SYT13: variants seen among roughly 807,000 people sequenced by gnomAD.
SYT13 encodes the protein synaptotagmin-13.
In SYT13, 21 loss-of-function variants were observed where a neutral mutation model predicts 38.6. The observed-to-expected ratio is 0.54, with a 90% CI of 0.39 to 0.78. SYT13 has a LOEUF of 0.78. SYT13 is among the 30% of genes least tolerant of loss of function. The pLI, the probability that SYT13 is intolerant of heterozygous loss-of-function variation, is 0.00. For missense variants in SYT13, 495 were observed against 548.7 expected (o/e 0.90, Z 0.98); for synonymous variants, 241 against 237.6 (o/e 1.01, Z -0.13).
chr11:45,261,851 G>T (rs781675075), intron 1 of SYT13, among the ~76,000 whole-genome samples: 4 of 151,654 alleles, frequency 2.6e-5, no homozygotes, highest in Non-Finnish European at 4.4e-5. Flanking sequence ...GGGAGGCGAA[G>T]GTTGCAGTGA....
intron 1 of SYT13, among the ~76,000 whole-genome samples, chr11:45,266,032 C>T (rs1048221355): frequency 7.2e-5 from 11 of 152,134 alleles, no homozygotes; most frequent in Non-Finnish European, 2.9e-5. Flanking sequence ...GTGTATATTT[C>T]ACTGTATGCA....
At chr11:45,247,967 A>T (rs745561378) in intron 4 of SYT13, among the ~76,000 whole-genome samples, 2 of 152,278 alleles carry the variant, frequency 1.3e-5, no homozygotes, top group Admixed American at 6.5e-5. Context: ...TAATGACAAC[A>T]GTCAAAACAA....
chr11:45,249,855 A>T (rs933609591), intron 4 of SYT13, among the ~76,000 whole-genome samples: 4 of 152,164 alleles, frequency 2.6e-5, no homozygotes. Flanking sequence ...TATGTAACAA[A>T]CCTACACGTT....
rs151134010 is a variant in SYT13 at position 45,244,118 on chromosome 11, G to A, written c.1215C>T (p.Ser405=). 5.0e-4 allele frequency: 800 copies of A among 1,612,586 alleles called. 3 individuals are homozygous for A. Among genetic ancestry groups the A allele is most frequent in the Middle Eastern group, 3.5e-3 (21 of 5,982 alleles). ...GGTTTTTGAGCATCTCCTCCCAGTG[G>A]CTGCGCTCAGAGCCCGAGGTGTGCA... ...LGLHTSGSER[S]HWEEMLKNPR... Residue 405 remains serine, a synonymous_variant, in exon 6 of 6, where the codon AGC becomes AGT. Coordinates refer to ENST00000020926, the MANE Select transcript of SYT13 (RefSeq NM_020826.3).
At chr11:45,269,459 A>T in intron 1 of SYT13, 1 of 1,283,420 alleles carries the variant, frequency 7.8e-7, no homozygotes, top group East Asian at 5.6e-5. Flanking sequence ...CAGTCACATC[A>T]CAAAGCCCTT....
intron 1 of SYT13, among the ~76,000 whole-genome samples, chr11:45,264,538 C>T (rs901698046): frequency 6.6e-6 from 1 of 152,122 alleles, no homozygotes; most frequent in African/African-American, 2.4e-5. Context: ...CAAGAGCAAG[C>T]TTGGAGGTAG....
chr11:45,274,893 TG>T (rs1325594715), intron 1 of SYT13, among the ~76,000 whole-genome samples: 1 of 152,148 alleles, frequency 6.6e-6, no homozygotes, highest in Non-Finnish European at 1.5e-5. Context: ...ATTACCTCAT[TG>T]GCCTTGCAGG....
chr11:45,278,009 T>C (rs1328490306), intron 1 of SYT13, among the ~76,000 whole-genome samples: 2 of 152,184 alleles, frequency 1.3e-5, no homozygotes, highest in Non-Finnish European at 2.9e-5. Flanking sequence ...GGCACACAGT[T>C]ATTCAATAAA....
chr11:45,267,239 G>C (rs1448181710), intron 1 of SYT13, among the ~76,000 whole-genome samples: 1 of 152,166 alleles, frequency 6.6e-6, no homozygotes, highest in East Asian at 1.9e-4. Context: ...ACCAGGCCCT[G>C]CTGCCTTCCC....
intron 1 of SYT13, among the ~76,000 whole-genome samples, chr11:45,277,779 G>C (rs1350676332): frequency 2.0e-5 from 3 of 152,092 alleles, no homozygotes; most frequent in Non-Finnish European, 4.4e-5. Context: ...ATCTTGTAAG[G>C]TACTCTTGTA....
chr11:45,253,117 C>A (rs1320987293), intron 3 of SYT13, among the ~76,000 whole-genome samples: 2 of 152,220 alleles, frequency 1.3e-5, no homozygotes, highest in African/African-American at 2.4e-5. Flanking sequence ...ATGAGAATCA[C>A]TTGGCTCTTA....
chr11:45,254,946 T>C (rs529746983), intron 2 of SYT13, among the ~76,000 whole-genome samples: 1 of 62,238 alleles, frequency 1.6e-5, no homozygotes, highest in Non-Finnish European at 5.6e-5. Context: ...AGATCTCATG[T>C]CTACAAAAAA....
intron 1 of SYT13, chr11:45,258,299 T>C (rs558020915): frequency 6.6e-6 from 1 of 152,328 alleles, no homozygotes; most frequent in African/African-American, 2.4e-5. Flanking sequence ...ACATGTATGA[T>C]TTACAAAATC....
At chr11:45,277,784 C>T (rs1295026215) in intron 1 of SYT13, among the ~76,000 whole-genome samples, 3 of 152,222 alleles carry the variant, frequency 2.0e-5, no homozygotes, top group Admixed American at 6.5e-5. Context: ...GTAAGGTACT[C>T]TTGTAAAAGC....
rs368306910 is a variant in SYT13, at chr11:45,255,761, G to T, written c.314C>A (p.Thr105Lys). 6.2e-7 allele frequency: 1 copy of T among 1,614,172 alleles called. No individual in the cohort carries two copies. Among genetic ancestry groups the T allele is most frequent in the East Asian group, 2.2e-5 (1 of 44,876 alleles). ...INYADYSLRS[T>K]EEPTAPASPQ... is the part of the protein sequence containing the mutation. ...GCTGGCAGGTGCAGTGGGCTCCTCC[G>T]TAGACCTCAGTGAATAGTCTGCATA... Residue 105 changes from threonine (T) to lysine (K), a missense_variant, in exon 2 of 6, where the codon ACG becomes AAG. Physicochemically the swap from Thr to Lys is moderately conservative, Grantham distance 78. Transcript: ENST00000020926.
chr11:45,256,189 G>A (rs561993184), intron 1 of SYT13, among the ~76,000 whole-genome samples: 16 of 152,166 alleles, frequency 1.1e-4, no homozygotes, highest in African/African-American at 3.9e-4. Context: ...TCCCCACTCT[G>A]CTGCTCTCAT....
At chr11:45,257,218 T>C (rs1218129112) in intron 1 of SYT13, among the ~76,000 whole-genome samples, 2 of 152,210 alleles carry the variant, frequency 1.3e-5, no homozygotes, top group Non-Finnish European at 1.5e-5. Context: ...TACAGAGACA[T>C]TGACAGGGAT....
intron 1 of SYT13, among the ~76,000 whole-genome samples, chr11:45,278,661 T>A (rs1246668532): frequency 6.6e-6 from 1 of 152,066 alleles, no homozygotes; most frequent in Admixed American, 6.6e-5. Flanking sequence ...AATCATCAAT[T>A]CCATGAAGAG....
chr11:45,267,321 G>GCT (rs1565389992), intron 1 of SYT13, among the ~76,000 whole-genome samples: 3 of 152,178 alleles, frequency 2.0e-5, no homozygotes. Context: ...CCCCTAAGGC[G>GCT]GATGCCCAGG....
Sources: gnomAD v4.1 joint callset for allele counts (sites outside exome capture counted in the v4.1 genomes callset) on GRCh38, gnomAD v4.1.1 for gene constraint, MANE v1.5 for transcripts, NCBI Gene and HGNC (gene_info 2026-07-23, HGNC 2026-07-21) for gene names.